Variants in EYS observed in about 807,000 individuals in gnomAD.
EYS encodes EGF-like photoreceptor maintenance factor.
Under a neutral mutation model 282.1 loss-of-function variants are expected in EYS, and 250 were observed. The observed-to-expected ratio is 0.89, with a 90% confidence interval of 0.80 to 0.98. The LOEUF is 0.98. Ranked by LOEUF, EYS falls within the 50% of genes least tolerant of loss-of-function variation. The pLI is 0.00. For synonymous variants in EYS, 1,355 were observed against 1,282.9 expected (o/e 1.06, Z -1.20); for missense variants, 4,016 against 3,709.0 (o/e 1.08, Z -2.15).
chr6:64,200,277 C>T (rs147926867), intron 31 of EYS, among the ~76,000 whole-genome samples: 2 of 151,950 alleles, frequency 1.3e-5, no homozygotes, highest in African/African-American at 2.4e-5. Flanking sequence ...GATACATTTG[C>T]CAAAAGCTAC....
intron 1 of EYS, among the ~76,000 whole-genome samples, chr6:65,688,749 A>T (rs1258470437): frequency 4.3e-4 from 66 of 152,146 alleles, no homozygotes; most frequent in Non-Finnish European, 7.5e-4. Flanking sequence ...AAGACATTTA[A>T]GCAGCCAAAA....
intron 33 of EYS, among the ~76,000 whole-genome samples, chr6:64,051,956 T>C (rs1770823640): frequency 1.3e-5 from 2 of 152,128 alleles, no homozygotes; most frequent in South Asian, 4.2e-4. Flanking sequence ...CTAGTTGTTC[T>C]AACTTTCTCA....
chr6:63,746,657 G>T, intron 41 of EYS, among the ~76,000 whole-genome samples: 1 of 151,972 alleles, frequency 6.6e-6, no homozygotes, highest in East Asian at 1.9e-4. Context: ...GTCTTGGGAG[G>T]GTGTATGTGT....
chr6:64,886,731 A>G lies in EYS; in HGVS notation c.2958T>C (p.Asp986=). The change falls in exon 19 of 43, where the codon GAT becomes GAC. Residue 986 remains aspartate, a synonymous_variant. Coordinates refer to ENST00000503581, the MANE Select transcript of EYS (RefSeq NM_001142800.2). ...CAGGGGCACAGAGGCAGTTGTATCC[A>G]TCAGTCCTGTAGACACAATTTTCTT... ...LDEENCVYRT[D]GYNCLCAPGY... The G allele has an allele frequency of 6.5e-7, 1 of 1,547,142 alleles. No homozygotes were observed. The highest frequency in any genetic ancestry group is 1.4e-5 in the African/African-American group (1 of 72,852).
chr6:64,690,014 A>G (rs952607078), intron 22 of EYS, among the ~76,000 whole-genome samples: 44 of 152,232 alleles, frequency 2.9e-4, no homozygotes, highest in Non-Finnish European at 5.1e-4. Flanking sequence ...GCACAGTAAA[A>G]GAAACTACCA....
intron 12 of EYS, among the ~76,000 whole-genome samples, chr6:65,141,590 T>C (rs1288832038): frequency 6.6e-6 from 1 of 151,946 alleles, no homozygotes; most frequent in Admixed American, 6.6e-5. Context: ...TCTAAATAAA[T>C]CCAAACACAC....
chr6:65,334,837 T>C, intron 11 of EYS, 143 bp downstream of exon 11: 1 of 664,152 alleles, frequency 1.5e-6, no homozygotes, highest in South Asian at 1.9e-5. Flanking sequence ...AATAACTATA[T>C]ATGTATATGT....
intron 31 of EYS, among the ~76,000 whole-genome samples, chr6:64,206,173 T>G (rs1029824894): frequency 2.6e-5 from 4 of 152,202 alleles, no homozygotes; most frequent in African/African-American, 9.6e-5. Flanking sequence ...AAAATAAGTT[T>G]ATTCTATTTT....
chr6:65,384,394 T>C lies in EYS; in HGVS notation c.1291A>G (p.Arg431Gly). The stretch of plus-strand genomic sequence containing the variant: ...TGTATTAAATTACTTACTTTGAATC[T>C]TCCAATTATATTGAAACACCATTCT... Reference protein sequence around the residue: ...NEEWCFNIIGRFKYVCIPGCT... With the variant: ...NEEWCFNIIGGFKYVCIPGCT... Residue 431 changes from arginine to glycine, a missense_variant, in exon 8 of 43, where the codon AGA becomes GGA. Coordinates refer to ENST00000503581, the MANE Select transcript of EYS (RefSeq NM_001142800.2). The C allele has an allele frequency of 6.3e-7, 1 of 1,588,594 alleles. No individual in the cohort carries two copies. The highest frequency in any genetic ancestry group is 8.6e-7 in the Non-Finnish European group (1 of 1,159,286).
At chr6:63,731,192 T>G (rs1403141691) in intron 41 of EYS, among the ~76,000 whole-genome samples, 1 of 152,168 alleles carries the variant, frequency 6.6e-6, no homozygotes, top group Non-Finnish European at 1.5e-5. Flanking sequence ...TGACAGAATA[T>G]CCTTATATAT....
At chr6:64,708,904 C>T (rs11759672) in intron 22 of EYS, among the ~76,000 whole-genome samples, 7,054 of 152,168 alleles carry the variant, frequency 0.046, 232 homozygotes, top group East Asian at 0.17. Flanking sequence ...ATCTAACATG[C>T]AAGTTTACAA....
intron 19 of EYS, among the ~76,000 whole-genome samples, chr6:64,861,938 C>A (rs1278801759): frequency 1.3e-5 from 2 of 152,158 alleles, no homozygotes; most frequent in Admixed American, 6.6e-5. Flanking sequence ...TGACCAATAT[C>A]ATTTTTTCTT....
chr6:64,824,391 T>C (rs550040563), intron 19 of EYS, among the ~76,000 whole-genome samples: 3 of 152,098 alleles, frequency 2.0e-5, no homozygotes, highest in South Asian at 4.1e-4. Flanking sequence ...TGGTACATCA[T>C]ACGTTTATTG....
intron 22 of EYS, among the ~76,000 whole-genome samples, chr6:64,803,885 G>A (rs943951563): frequency 7.9e-5 from 12 of 152,224 alleles, no homozygotes; most frequent in Admixed American, 6.5e-4. Context: ...TTCCAAGACT[G>A]TGGGGCCATG....
intron 35 of EYS, among the ~76,000 whole-genome samples, chr6:63,958,434 G>A (rs1197889165): frequency 2.1e-5 from 2 of 96,006 alleles, no homozygotes; most frequent in African/African-American, 5.4e-5. Context: ...GAATGTTTGT[G>A]GCCCCCACAA....
At position 63,880,487 on chromosome 6, in the gene EYS, G is replaced by GTCTGTATC. The variant is rs537041801; in HGVS notation, c.7056-16130_7056-16129insGATACAGA. 1.0e-3 allele frequency among the ~76,000 whole-genome samples: 150 copies of GTCTGTATC among 142,880 alleles called. 1 individual carries two copies. Among genetic ancestry groups the GTCTGTATC allele is most frequent in the African/African-American group, 3.7e-3 (139 of 37,808 alleles). 93.7% of individuals were successfully genotyped at this position (142,880 alleles called of 152,430 possible). A position where few individuals can be genotyped will look rare whatever the true frequency, so the allele number is the denominator to read the frequency against. On this transcript the variant is annotated intron_variant, in intron 35 of 42. Coordinates refer to ENST00000503581, the MANE Select transcript of EYS (RefSeq NM_001142800.2). The stretch of plus-strand genomic sequence containing the variant: ...TATCTGTCTGTCTGTCTGTCTGTCT[G>GTCTGTATC]TATCTATCTATCTATCTATCTATCT...
At chr6:63,725,180 G>T (rs1768565351) in intron 42 of EYS, among the ~76,000 whole-genome samples, 1 of 152,064 alleles carries the variant, frequency 6.6e-6, no homozygotes. Flanking sequence ...TGAAACTAAT[G>T]AATCTCTGTA....
At chr6:64,423,816 A>G (rs1263194976) in intron 28 of EYS, among the ~76,000 whole-genome samples, 3 of 152,174 alleles carry the variant, frequency 2.0e-5, no homozygotes, top group African/African-American at 7.2e-5. Context: ...ATGGGGGAAA[A>G]AAAAATTCTT....
chr6:64,164,255 C>T (rs1775198648), intron 31 of EYS, among the ~76,000 whole-genome samples: 1 of 152,072 alleles, frequency 6.6e-6, no homozygotes, highest in African/African-American at 2.4e-5. Flanking sequence ...TTTTTAGTTG[C>T]TTTAAAACGG....
Sources: gnomAD v4.1 joint callset for allele counts (sites outside exome capture counted in the v4.1 genomes callset) on GRCh38, gnomAD v4.1.1 for gene constraint, MANE v1.5 for transcripts, NCBI Gene and HGNC (gene_info 2026-07-23, HGNC 2026-07-21) for gene names.